The following DMD variants were observed in gnomAD, a reference collection of about 807,000 sequenced individuals.
The protein encoded by DMD is dystrophin.
In DMD, 63 loss-of-function variants were observed where a neutral mutation model predicts 330.1. The observed-to-expected ratio is 0.19, with a 90% CI of 0.16 to 0.24. The LOEUF (loss-of-function observed/expected upper bound fraction) is 0.24, where lower values mean the gene tolerates loss of function less well. Ranked by LOEUF, DMD falls within the 10% of genes least tolerant of loss-of-function variation. The probability of loss-of-function intolerance (pLI) is 1.00; values close to 1 mark genes in which losing one functional copy is unlikely to be tolerated. For synonymous variants in DMD, 1,223 were observed against 959.8 expected, an observed-to-expected ratio of 1.27 and a Z score of -5.07; for missense variants, 3,344 against 2,684.1, an observed-to-expected ratio of 1.25 and a Z score of -5.43.
intron 2 of DMD, among the ~76,000 whole-genome samples, chrX:32,852,316 G>A (rs2081203043): frequency 9.0e-6 from 1 of 111,421 alleles, no homozygotes. Flanking sequence ...ACCTTGAAGA[G>A]AAGAATCCAG....
intron 63 of DMD, among the ~76,000 whole-genome samples, chrX:31,232,039 G>A (rs775496946): frequency 5.8e-4 from 58 of 100,352 alleles, no homozygotes; most frequent in African/African-American, 1.8e-3. Flanking sequence ...TGATGGGAGC[G>A]TGCCAGGTAA....
At chrX:32,514,064 A>G (rs116340086) in intron 18 of DMD, among the ~76,000 whole-genome samples, 1,601 of 110,601 alleles carry the variant, frequency 0.014, 35 homozygotes, top group African/African-American at 0.05. Flanking sequence ...TGAAAACACA[A>G]CCGGTTTAAA....
At chrX:31,202,823 T>G (rs2043627240) in intron 67 of DMD, among the ~76,000 whole-genome samples, 1 of 112,195 alleles carries the variant, frequency 8.9e-6, no homozygotes, top group Admixed American at 9.4e-5. Flanking sequence ...TCTTACTCCT[T>G]CAATACTGAT....
Position 32,485,189 on chromosome X carries a change from G to T in DMD, c.2623-90C>A, listed in dbSNP as rs866157346. 3.6e-5 allele frequency: 32 copies of T among 884,174 alleles called. No homozygotes were observed. The Middle Eastern group carries it at 8.4e-3, about 233-fold the overall frequency. 72.9% of individuals were successfully genotyped at this position (884,174 alleles called of 1,213,427 possible). On this transcript the variant is annotated intron_variant, in intron 20 of 78. Coordinates refer to ENST00000357033, the MANE Select transcript of DMD (RefSeq NM_004006.3). ...AAGGTATTAAAAAGCAGTAAGGCAA[G>T]TTTAGCTTAATACCCTTCACAAATA...
intron 60 of DMD, among the ~76,000 whole-genome samples, chrX:31,442,826 C>A (rs1461958650): frequency 9.0e-6 from 1 of 111,343 alleles, no homozygotes; most frequent in Admixed American, 9.6e-5. Flanking sequence ...ATGGAGCAAA[C>A]AGAGAAAGGC....
At chrX:31,797,674 T>C (rs1385143396) in intron 50 of DMD, among the ~76,000 whole-genome samples, 1 of 111,859 alleles carries the variant, frequency 8.9e-6, no homozygotes, top group Admixed American at 9.5e-5. Flanking sequence ...TTCAAGTCAA[T>C]GGATTACTGA....
intron 64 of DMD, among the ~76,000 whole-genome samples, chrX:31,213,216 G>A (rs928968930): frequency 6.2e-5 from 7 of 112,661 alleles, no homozygotes; most frequent in African/African-American, 9.7e-5. Context: ...GAGTTGGCAC[G>A]AGATGACTTG....
chrX:31,636,264 A>G (rs2079409103), intron 54 of DMD, among the ~76,000 whole-genome samples: 1 of 111,656 alleles, frequency 9.0e-6, no homozygotes, highest in Admixed American at 9.5e-5. Context: ...CCTGGGTAAC[A>G]AAATAATCGG....
intron 1 of DMD, among the ~76,000 whole-genome samples, chrX:33,259,393 T>G (rs1321664454): frequency 9.1e-6 from 1 of 110,359 alleles, no homozygotes; most frequent in Non-Finnish European, 1.9e-5. Context: ...TTTGGGCAAG[T>G]ATTCAACGAT....
chrX:32,608,870 G>T (rs1204080510), intron 12 of DMD, among the ~76,000 whole-genome samples: 1 of 110,215 alleles, frequency 9.1e-6, no homozygotes, highest in Non-Finnish European at 1.9e-5. Context: ...CAAAAGACAG[G>T]AAATAAAATG....
chrX:32,529,268 C>T (rs1359161704), intron 17 of DMD, among the ~76,000 whole-genome samples: 1 of 108,300 alleles, frequency 9.2e-6, no homozygotes, highest in Non-Finnish European at 1.9e-5. Flanking sequence ...TGTCTCATGC[C>T]TCCCTAAAAT....
At chrX:33,172,626 C>T (rs140747767) in intron 1 of DMD, among the ~76,000 whole-genome samples, 1,610 of 111,628 alleles carry the variant, frequency 0.014, 28 homozygotes, top group African/African-American at 0.05. Context: ...GAGCCAACTT[C>T]GATGAAACAA....
intron 17 of DMD, among the ~76,000 whole-genome samples, chrX:32,523,323 ATTC>A (rs1199598614): frequency 1.8e-5 from 2 of 111,671 alleles, no homozygotes; most frequent in Admixed American, 9.5e-5. Context: ...AGTAACCAGA[ATTC>A]TTCTTCTTCA....
intron 17 of DMD, among the ~76,000 whole-genome samples, chrX:32,520,612 G>T (rs1416438378): frequency 2.7e-5 from 3 of 111,440 alleles, no homozygotes; most frequent in Middle Eastern, 4.2e-3. Context: ...GTCTCAAGGG[G>T]TTCCCTGCAT....
At chrX:33,230,249 T>A (rs768948805) in intron 1 of DMD, among the ~76,000 whole-genome samples, 1 of 111,716 alleles carries the variant, frequency 9.0e-6, no homozygotes, top group South Asian at 3.7e-4. Flanking sequence ...AAGTCATGCA[T>A]CAGAGTGTTT....
chrX:31,398,200 A>G (rs1259486533), intron 60 of DMD, among the ~76,000 whole-genome samples: 3 of 112,139 alleles, frequency 2.7e-5, no homozygotes, highest in African/African-American at 9.7e-5. Flanking sequence ...ACATAACTTG[A>G]TTGAGGTTGG....
intron 50 of DMD, among the ~76,000 whole-genome samples, chrX:31,790,904 T>C (rs2091538163): frequency 1.8e-5 from 2 of 112,042 alleles, no homozygotes; most frequent in Non-Finnish European, 3.8e-5. Context: ...AATCAACTTA[T>C]TCTGAATTCA....
chrX:32,824,676 A>AT (rs2078548838), intron 4 of DMD, among the ~76,000 whole-genome samples: 1 of 111,807 alleles, frequency 8.9e-6, no homozygotes, highest in South Asian at 3.7e-4. Context: ...ACTGTTCTGC[A>AT]TATTGACTCT....
At chrX:33,030,050 G>A (rs5928157) in intron 1 of DMD, among the ~76,000 whole-genome samples, 2,923 of 111,025 alleles carry the variant, frequency 0.026, 62 homozygotes, top group East Asian at 0.12. Context: ...ACCTCTCTGT[G>A]TCTCATTGCC....
Sources: allele counts gnomAD v4.1 joint callset (sites outside exome capture counted in the v4.1 genomes callset), GRCh38; gene constraint gnomAD v4.1.1; transcripts MANE v1.5; gene names NCBI Gene and HGNC (gene_info 2026-07-23, HGNC 2026-07-21).